RHCG: variants seen among roughly 807,000 people sequenced by gnomAD.
The protein encoded by RHCG is ammonium transporter Rh type C.
RHCG carries 39 observed loss-of-function variants against 55.3 expected under a neutral mutation model. The observed-to-expected ratio is 0.70, with a 90% CI of 0.55 to 0.92. RHCG has a LOEUF of 0.92. RHCG is among the 40% of genes least tolerant of loss of function. The pLI, the probability that RHCG is intolerant of heterozygous loss-of-function variation, is 0.00. For synonymous variants in RHCG, 250 were observed against 246.8 expected (o/e 1.01, Z -0.12); for missense variants, 635 against 627.9 (o/e 1.01, Z -0.12).
chr15:89,480,918 T>A (rs1004714995), intron 3 of RHCG, among the ~76,000 whole-genome samples: 9 of 152,204 alleles, frequency 5.9e-5, no homozygotes, highest in African/African-American at 1.9e-4. Context: ...CCTTCTCTTT[T>A]ACCTCCTCCT....
chr15:89,486,782 G>A lies in RHCG; in HGVS notation c.371+17C>T, dbSNP rs778691889. ...CCTCCCAGTCCGCCACGCCCCCGGG[G>A]CCCGCCCTGCGCTCACTTCTCCACG... On this transcript the variant is annotated intron_variant, in intron 2 of 10. Transcript: ENST00000268122. The A allele has an allele frequency of 2.5e-6, 4 of 1,573,210 alleles. No homozygotes were observed. Among genetic ancestry groups the A allele is most frequent in the African/African-American group, 2.7e-5 (2 of 74,158 alleles).
At chr15:89,479,527 A>G (rs1393032534) in intron 4 of RHCG, 39 bp from the exon 5 acceptor site, 1 of 1,568,234 alleles carries the variant, frequency 6.4e-7, no homozygotes, top group Non-Finnish European at 8.7e-7. Context: ...CCGGGAGGAG[A>G]GGCATTAGAT....
Position 89,483,233 on chromosome 15 carries a change from C to A in RHCG, c.372-16G>T. On this transcript the variant is annotated splice_polypyrimidine_tract_variant and intron_variant, in intron 2 of 10. Transcript: ENST00000268122. ...GTTGATGAGGCTGTGGGGAGACAGG[C>A]CAGTGGAGAAGCTGGGGCAATAGCA... 1 of 1,525,836 alleles carries A rather than the reference C, an allele frequency of 6.6e-7. No individual in the cohort carries two copies. The highest frequency in any genetic ancestry group is 8.9e-7 in the Non-Finnish European group (1 of 1,118,822). 94.5% of individuals were successfully genotyped at this position (1,525,836 alleles called of 1,614,324 possible).
intron 1 of RHCG, among the ~76,000 whole-genome samples, chr15:89,489,171 A>G (rs981124729): frequency 6.6e-6 from 1 of 152,170 alleles, no homozygotes; most frequent in African/African-American, 2.4e-5. Context: ...GCTGGAGTGC[A>G]GTGGCACAAT....
At chr15:89,485,525 A>G (rs897652794) in intron 2 of RHCG, among the ~76,000 whole-genome samples, 2 of 152,228 alleles carry the variant, frequency 1.3e-5, no homozygotes, top group African/African-American at 4.8e-5. Context: ...GTATCCTAAG[A>G]GTAACAGCAG....
Position 89,491,631 on chromosome 15 carries a change from G to A in RHCG, c.185-4646C>T, listed in dbSNP as rs370615395. ...AAAATACAAAAATTAGCCGGGCAAG[G>A]TAGTGCACGCCTTTAATCCCAGCTA... is the stretch of plus-strand genomic sequence containing the variant. On this transcript the variant is annotated intron_variant, in intron 1 of 10. Transcript: ENST00000268122. 5.9e-5 allele frequency among the ~76,000 whole-genome samples: 9 copies of A among 152,248 alleles called. No homozygotes were observed. The East Asian group carries it at 1.4e-3, about 23-fold the overall frequency.
At chr15:89,495,869 G>T (rs1476253609) in intron 1 of RHCG, among the ~76,000 whole-genome samples, 2 of 152,206 alleles carry the variant, frequency 1.3e-5, no homozygotes, top group Admixed American at 1.3e-4. Context: ...CCACAGCACC[G>T]CTGACACCAG....
rs1021840838 is a variant in RHCG, at chr15:89,472,793, G to T, written c.1382C>A (p.Pro461His). The change falls in exon 10 of 11, where the codon CCC (proline) becomes CAC (histidine). Residue 461 changes from proline to histidine, a missense_variant. By Grantham distance (77) the Pro-to-His change is moderately conservative. Coordinates refer to ENST00000268122, the MANE Select transcript of RHCG (RefSeq NM_016321.3). ...PTFKPSGPSV[P>H]SVPMVSPLPM... is the part of the protein sequence containing the mutation. ...TAGTGGGGACACCATGGGTACTGAG[G>T]GTACTGAGGGTCCTGAGGGCTTGAA... is the stretch of plus-strand genomic sequence containing the variant. 10 of 1,565,864 alleles carry T rather than the reference G, an allele frequency of 6.4e-6. No homozygotes were observed. In the Admixed American group the frequency reaches 9.4e-5, roughly 15 times the overall value.
chr15:89,484,000 C>G (rs1376489697), intron 2 of RHCG, among the ~76,000 whole-genome samples: 1 of 152,214 alleles, frequency 6.6e-6, no homozygotes, highest in South Asian at 2.1e-4. Flanking sequence ...GCCTCCTTGT[C>G]CCCTGCCAGC....
At chr15:89,482,135 C>T (rs1961279543) in intron 3 of RHCG, among the ~76,000 whole-genome samples, 1 of 152,140 alleles carries the variant, frequency 6.6e-6, no homozygotes, top group African/African-American at 2.4e-5. Context: ...CGGGGTTTCT[C>T]CATGTTGGTC....
chr15:89,490,221 G>A (rs1410469232), intron 1 of RHCG, among the ~76,000 whole-genome samples: 1 of 152,218 alleles, frequency 6.6e-6, no homozygotes, highest in Non-Finnish European at 1.5e-5. Flanking sequence ...CCTGCACCTT[G>A]CCTGCCCTCA....
At chr15:89,479,839 A>G in intron 4 of RHCG, 1 of 375,654 alleles carries the variant, frequency 2.7e-6, no homozygotes, top group Non-Finnish European at 4.9e-6. Flanking sequence ...GAGCTCCTGG[A>G]GGGCAGGGCT....
At chr15:89,480,442 C>T in intron 3 of RHCG, 34 bp from the exon 4 acceptor site, 1 of 1,598,080 alleles carries the variant, frequency 6.3e-7, no homozygotes, top group South Asian at 1.1e-5. Context: ...ACTCTGGCAC[C>T]TTCTCTCCCT....
At chr15:89,489,283 A>ATT (rs577244121) in intron 1 of RHCG, among the ~76,000 whole-genome samples, 1,646 of 146,116 alleles carry the variant, frequency 0.011, 34 homozygotes, top group African/African-American at 0.037. Context: ...CACCCAGCTA[A>ATT]TTTTTTTTTT....
At chr15:89,487,847 C>A (rs1961403224) in intron 1 of RHCG, among the ~76,000 whole-genome samples, 1 of 152,204 alleles carries the variant, frequency 6.6e-6, no homozygotes, top group South Asian at 2.1e-4. Flanking sequence ...TCAGGCATGG[C>A]CTAATTCTGA....
Position 89,477,228 on chromosome 15 carries a change from G to A in RHCG, c.1113-22C>T. Reference sequence around the variant, plus strand: ...AAGCCTGGGGTGGAGACAGGGGGCAGGTCAGGGCCCCATGGAGAGGCCAAG... The same window carrying A: ...AAGCCTGGGGTGGAGACAGGGGGCAAGTCAGGGCCCCATGGAGAGGCCAAG... On this transcript the variant is annotated intron_variant, in intron 7 of 10. Transcript: ENST00000268122. This position sits in a 1 kb window ranked among gnomAD's most constrained non-coding sequence, Gnocchi z 4.5. 1 of 1,613,596 alleles carries A rather than the reference G, an allele frequency of 6.2e-7. No homozygotes were observed. Among genetic ancestry groups the A allele is most frequent in the Non-Finnish European group, 8.5e-7 (1 of 1,179,776 alleles).
At chr15:89,495,144 C>T (rs1268795960) in intron 1 of RHCG, among the ~76,000 whole-genome samples, 1 of 152,174 alleles carries the variant, frequency 6.6e-6, no homozygotes, top group Non-Finnish European at 1.5e-5. Flanking sequence ...TTATCTGTTA[C>T]TTCCCTTCTA....
chr15:89,494,925 G>T (rs961391667), intron 1 of RHCG, among the ~76,000 whole-genome samples: 1 of 152,092 alleles, frequency 6.6e-6, no homozygotes, highest in Non-Finnish European at 1.5e-5. Flanking sequence ...CGGGAGGGAG[G>T]GAGAAGAACA....
intron 9 of RHCG, among the ~76,000 whole-genome samples, chr15:89,473,792 C>T (rs916905925): frequency 3.3e-5 from 5 of 152,144 alleles, no homozygotes; most frequent in African/African-American, 1.2e-4. Flanking sequence ...GATCCTGTAA[C>T]CAATCCCCTG....
Sources: allele counts gnomAD v4.1 joint callset (sites outside exome capture counted in the v4.1 genomes callset), GRCh38; gene constraint gnomAD v4.1.1; non-coding constraint Gnocchi (gnomAD v3.1); transcripts MANE v1.5; gene names NCBI Gene and HGNC (gene_info 2026-07-23, HGNC 2026-07-21).